Variants in PSG11 observed in about 807,000 individuals in gnomAD.
The protein encoded by PSG11 is pregnancy-specific beta-1-glycoprotein 11.
PSG11 carries 42 observed loss-of-function variants against 36.0 expected under a neutral mutation model. The observed-to-expected ratio is 1.17, with a 90% confidence interval of 0.91 to 1.51. The LOEUF (loss-of-function observed/expected upper bound fraction) is 1.51. PSG11 is among the 40% of genes most tolerant of loss of function. PSG11 has a pLI of 0.00. For synonymous variants in PSG11, 206 were observed against 153.5 expected (o/e 1.34, Z -2.53); for missense variants, 558 against 403.5 (o/e 1.38, Z -3.28).
intron 4 of PSG11, chr19:43,014,640 C>G (rs1475889690): frequency 9.1e-7 from 1 of 1,094,354 alleles, no homozygotes; most frequent in Non-Finnish European, 1.1e-6. Context: ...CGGAGCAGAG[C>G]AGGAAGCAGA....
At chr19:43,019,467 G>T (rs11083681) in intron 2 of PSG11, 101,484 of 198,840 alleles carry the variant, frequency 0.51, 27,904 homozygotes, top group East Asian at 0.9. Flanking sequence ...AGCTTCCCTT[G>T]CCAAGGACAT....
At chr19:43,016,085 C>T (rs1190222235) in intron 3 of PSG11, 6 of 1,574,868 alleles carry the variant, frequency 3.8e-6, no homozygotes, top group African/African-American at 1.4e-5. Flanking sequence ...TGTGTGGCAC[C>T]TTTGATTCCT....
At chr19:43,019,481 A>G (rs1967051784) in intron 2 of PSG11, 1 of 195,404 alleles carries the variant, frequency 5.1e-6, no homozygotes, top group Non-Finnish European at 1.1e-5. Context: ...AGGACATCCT[A>G]GAGATGGATG....
intron 2 of PSG11, among the ~76,000 whole-genome samples, chr19:43,023,199 G>A (rs377514839): frequency 1.3e-4 from 19 of 148,782 alleles, no homozygotes; most frequent in African/African-American, 3.3e-4. Flanking sequence ...TGAAACATGG[G>A]TGTCAGCCTC....
intron 3 of PSG11, among the ~76,000 whole-genome samples, chr19:43,018,170 G>C (rs1967011564): frequency 6.6e-6 from 1 of 151,172 alleles, no homozygotes; most frequent in Non-Finnish European, 1.5e-5. Context: ...CTGAGTTATG[G>C]ATGAAACAGA....
intron 2 of PSG11, among the ~76,000 whole-genome samples, chr19:43,023,049 C>G (rs1293898545): frequency 2.0e-5 from 3 of 150,882 alleles, no homozygotes; most frequent in Non-Finnish European, 3.0e-5. Flanking sequence ...GAGGGAGACA[C>G]TGACTTCAGA....
At position 43,020,396 on chromosome 19, in the gene PSG11, G is replaced by A. The variant is rs1414615669; in HGVS notation, c.431-1348C>T. On this transcript the variant is annotated intron_variant, in intron 2 of 5. Coordinates refer to ENST00000320078, the MANE Select transcript of PSG11 (RefSeq NM_002785.3). ...GTAAAGTTTTGGAGCATTTCAGATTGTGGATTTCTGGATTTGGGATGCTCC... is the reference window on the plus strand; with the variant it reads ...GTAAAGTTTTGGAGCATTTCAGATTATGGATTTCTGGATTTGGGATGCTCC... Among the ~76,000 whole-genome samples the A allele has an allele frequency of 1.3e-5, 2 of 151,222 alleles. 1 individual carries two copies.
rs770283824 is a variant in PSG11, at chr19:43,018,847, G to A, written c.632C>T (p.Thr211Ile). The A allele has an allele frequency of 1.9e-5, 30 of 1,612,134 alleles. No individual in the cohort carries two copies. Among genetic ancestry groups the A allele is most frequent in the Admixed American group, 5.0e-5 (3 of 59,870 alleles). Residue 211 changes from threonine (T) to isoleucine (I), a missense_variant, in exon 3 of 6, where the codon ACT (threonine) becomes ATT (isoleucine). Transcript: ENST00000320078. Reference sequence around the variant, plus strand: ...TATTTCACATTCATAGGGTCCTGCAGTATACTTTGTGACACCAAATAGAAA... The same window carrying A: ...TATTTCACATTCATAGGGTCCTGCAATATACTTTGTGACACCAAATAGAAA... ...TLFLFGVTKY[T>I]AGPYECEIWN...
At chr19:43,013,112 A>G (rs1040313711) in intron 4 of PSG11, among the ~76,000 whole-genome samples, 1 of 151,386 alleles carries the variant, frequency 6.6e-6, no homozygotes, top group Non-Finnish European at 1.5e-5. Flanking sequence ...AACACCATGT[A>G]CAAAAATTAA....
In PSG11 at chr19:43,011,646, G is replaced by A. The variant is rs141838081; in HGVS notation, c.965-1605C>T. Among the ~76,000 whole-genome samples the A allele has an allele frequency of 4.2e-3, 640 of 151,340 alleles. 28 individuals carry two copies. Among genetic ancestry groups the A allele is most frequent in the African/African-American group, 0.015 (619 of 41,074 alleles). On this transcript the variant is annotated intron_variant, in intron 4 of 5. Transcript: ENST00000320078. ...GTCATGTTTTAATCCTAGCACTTTG[G>A]GAGGTCACAGCAGAAGGATTTCTTG... is the stretch of plus-strand genomic sequence containing the variant.
intron 2 of PSG11, 55 bp downstream of exon 2, chr19:43,024,636 G>A: frequency 6.2e-7 from 1 of 1,608,888 alleles, no homozygotes; most frequent in Non-Finnish European, 8.5e-7. Flanking sequence ...CTGTGTGTGT[G>A]ATGTAGAAGT....
At chr19:43,021,464 G>T (rs754432989) in intron 2 of PSG11, among the ~76,000 whole-genome samples, 4 of 151,352 alleles carry the variant, frequency 2.6e-5, no homozygotes, top group Non-Finnish European at 5.9e-5. Context: ...CCATTCTCCT[G>T]CCTCGACCTC....
At chr19:43,020,499 A>C (rs1244579986) in intron 2 of PSG11, among the ~76,000 whole-genome samples, 1 of 151,394 alleles carries the variant, frequency 6.6e-6, no homozygotes, top group East Asian at 1.9e-4. Context: ...CTAGTAACAA[A>C]AAAAAAATTT....
In PSG11 at chr19:43,015,333, G is replaced by A. The variant is rs746588679; in HGVS notation, c.747C>T (p.Thr249=). 4 of 1,610,284 alleles carry A rather than the reference G, an allele frequency of 2.5e-6. No homozygotes were observed. The highest frequency in any genetic ancestry group is 1.1e-5 in the South Asian group (1 of 90,754). The change falls in exon 4 of 6, where the codon ACC becomes ACT. Residue 249 remains threonine, a synonymous_variant. Transcript: ENST00000320078. ...CGAGGTTCTCTCCTGAATAGTAAGA[G>A]GTGACTGAAGGGAAAATTCTGGGGA... is the stretch of plus-strand genomic sequence containing the variant. ...PDLPRIFPSV[T]SYYSGENLDL...
chr19:43,013,941 C>G (rs1297010470), intron 4 of PSG11: 1 of 151,336 alleles, frequency 6.6e-6, no homozygotes, highest in Non-Finnish European at 1.5e-5. Context: ...TCAAACTTAA[C>G]AAGGAATAAA....
intron 5 of PSG11, 127 bp downstream of exon 5, chr19:43,009,831 T>G (rs1188024258): frequency 4.1e-6 from 3 of 729,770 alleles, no homozygotes; most frequent in Non-Finnish European, 7.1e-6. Context: ...GAATTAGTGC[T>G]GAGAAGCAGG....
In PSG11 at chr19:43,024,772, C is replaced by T. The variant is rs139249302; in HGVS notation, c.349G>A (p.Ala117Thr). 1.0e-4 allele frequency: 163 copies of T among 1,611,916 alleles called. 4 individuals are homozygous for T. The African/African-American group carries it at 1.6e-3, about 16-fold the overall frequency. ...LLIQNVTRED[A>T]GSYTLHIIKR... ...ATGATGTGTAAGGTGTAGGATCCTG[C>T]GTCCTCCCGGGTGACATTCTGGATC... Residue 117 changes from alanine to threonine, a missense_variant, in exon 2 of 6, where the codon GCA (alanine) becomes ACA (threonine). Transcript: ENST00000320078.
intron 5 of PSG11, among the ~76,000 whole-genome samples, chr19:43,008,556 A>G (rs1257397085): frequency 6.6e-6 from 1 of 151,348 alleles, no homozygotes; most frequent in Non-Finnish European, 1.5e-5. Flanking sequence ...GATTACAGGC[A>G]TGAGCCATCG....
At chr19:43,016,314 C>T (rs143140578) in intron 3 of PSG11, among the ~76,000 whole-genome samples, 4,059 of 151,368 alleles carry the variant, frequency 0.027, 299 homozygotes, top group African/African-American at 0.094. Context: ...CAGTGGGAGT[C>T]ACAGCCCCTG....
Sources: allele counts gnomAD v4.1 joint callset (sites outside exome capture counted in the v4.1 genomes callset), GRCh38; gene constraint gnomAD v4.1.1; transcripts MANE v1.5; gene names NCBI Gene and HGNC (gene_info 2026-07-23, HGNC 2026-07-21).